The following FANCD2 variants were observed in gnomAD, a reference collection of about 807,000 sequenced individuals.
FANCD2 encodes FA complementation group D2.
FANCD2 carries 131 observed loss-of-function variants against 192.3 expected under a neutral mutation model. The observed-to-expected ratio is 0.68, with a 90% confidence interval of 0.59 to 0.79. The LOEUF is 0.79. Among genes scored for constraint, FANCD2 ranks in the 30% least tolerant of loss-of-function variants. The probability of loss-of-function intolerance (pLI) is 0.00; values close to 1 mark genes in which losing one functional copy is unlikely to be tolerated. For synonymous variants in FANCD2, 524 were observed against 612.5 expected (o/e 0.86, Z 2.13); for missense variants, 1,508 against 1,701.6 (o/e 0.89, Z 2.00).
intron 17 of FANCD2, among the ~76,000 whole-genome samples, chr3:10,051,212 C>T (rs13070248): frequency 6.7e-6 from 1 of 150,026 alleles, no homozygotes; most frequent in South Asian, 2.1e-4. Context: ...AACCCCGTCT[C>T]TACTAAAAAT....
intron 9 of FANCD2, chr3:10,040,812 C>T (rs2124987493): frequency 3.1e-6 from 1 of 319,640 alleles, no homozygotes; most frequent in East Asian, 9.2e-5. Context: ...GGGCAGGATG[C>T]TCCTTCTGGG....
intron 10 of FANCD2, among the ~76,000 whole-genome samples, chr3:10,042,144 C>A (rs893682650): frequency 2.0e-5 from 3 of 152,130 alleles, no homozygotes; most frequent in African/African-American, 7.2e-5. Flanking sequence ...TTTCCACCCC[C>A]CTCGGCCTCC....
At chr3:10,095,125 T>C in intron 40 of FANCD2, 75 bp from the exon 41 acceptor site, 1 of 1,273,370 alleles carries the variant, frequency 7.9e-7, no homozygotes, top group Non-Finnish European at 1.1e-6. Context: ...TTGGAGCTTT[T>C]GATTGCAAGG....
chr3:10,057,306 A>T (rs538156195), intron 18 of FANCD2, among the ~76,000 whole-genome samples: 1 of 151,946 alleles, frequency 6.6e-6, no homozygotes, highest in South Asian at 2.1e-4. Context: ...CCTTTGATGC[A>T]CTAAAGTATT....
At chr3:10,027,122 A>G (rs1462786888) in intron 1 of FANCD2, among the ~76,000 whole-genome samples, 2 of 152,214 alleles carry the variant, frequency 1.3e-5, no homozygotes, top group East Asian at 3.8e-4. Flanking sequence ...CTGCACTGCG[A>G]GCTTTTTTCA....
At chr3:10,084,702 C>A (rs1169118736) in intron 32 of FANCD2, among the ~76,000 whole-genome samples, 2 of 152,156 alleles carry the variant, frequency 1.3e-5, no homozygotes, top group Admixed American at 6.5e-5. Flanking sequence ...CCTCAGAATA[C>A]ATTTGTTGAA....
chr3:10,061,134 C>G (rs547919930), intron 19 of FANCD2, among the ~76,000 whole-genome samples: 1 of 152,346 alleles, frequency 6.6e-6, no homozygotes, highest in South Asian at 2.1e-4. Context: ...TTGGCATTAT[C>G]AGTACTGCAC....
intron 36 of FANCD2, among the ~76,000 whole-genome samples, chr3:10,089,435 C>T (rs1245143125): frequency 6.6e-6 from 1 of 152,088 alleles, no homozygotes; most frequent in African/African-American, 2.4e-5. Context: ...CAAGGGCTCT[C>T]AGCTAATATA....
In FANCD2 at chr3:10,072,847, G is replaced by A. The variant is rs185898677; in HGVS notation, c.2495-24G>A. ...GTGGTGTGTAATTGGTACACATTGA[G>A]CTTCAGCCTGCTGTTTGTTTCAGTC... On this transcript the variant is annotated intron_variant, in intron 26 of 43. Transcript: ENST00000675286. 1.8e-3 allele frequency: 2,275 copies of A among 1,258,644 alleles called. 23 individuals carry two copies. Among genetic ancestry groups the A allele is most frequent in the Admixed American group, 0.017 (1,028 of 59,596 alleles). The allele number at this position is 1,258,644 out of a possible 1,614,324, so 78.0% of individuals were successfully genotyped here. A position where few individuals can be genotyped will look rare whatever the true frequency, so the allele number is the denominator to read the frequency against.
chr3:10,100,292 T>C (rs1695224520), intron 43 of FANCD2, among the ~76,000 whole-genome samples: 1 of 152,270 alleles, frequency 6.6e-6, no homozygotes, highest in Non-Finnish European at 1.5e-5. Flanking sequence ...TTTGGTACTT[T>C]CCCCTAAGCA....
At chr3:10,069,586 C>G (rs1306278924) in intron 26 of FANCD2, among the ~76,000 whole-genome samples, 2 of 151,418 alleles carry the variant, frequency 1.3e-5, no homozygotes, top group African/African-American at 4.9e-5. Flanking sequence ...CTCAGCCTGC[C>G]GAGTGCCTGC....
At position 10,090,314 on chromosome 3, in the gene FANCD2, C is replaced by A. The variant is rs771078251; in HGVS notation, c.3706C>A (p.Arg1236Ser). The A allele has an allele frequency of 1.2e-6, 2 of 1,613,442 alleles. No homozygotes were observed. Among genetic ancestry groups the A allele is most frequent in the Non-Finnish European group, 1.7e-6 (2 of 1,179,756 alleles). ...LTRHTFVVFF[R>S]VMMAELEKTV... The stretch of plus-strand genomic sequence containing the variant: ...TAGGCATACTTTTGTTGTTTTCTTC[C>A]GTGTGATGATGGCTGAACTAGAGAA... The change falls in exon 37 of 44, where the codon CGT becomes AGT. Residue 1236 changes from arginine (R) to serine (S), a missense_variant. Physicochemically the swap from Arg to Ser is moderately radical, Grantham distance 110. Coordinates refer to ENST00000675286, the MANE Select transcript of FANCD2 (RefSeq NM_001018115.3).
At chr3:10,028,477 A>G (rs1245472178) in intron 1 of FANCD2, 148 bp from the exon 2 acceptor site, 1 of 636,882 alleles carries the variant, frequency 1.6e-6, no homozygotes, top group Non-Finnish European at 2.8e-6. Context: ...AAGAGTTGAA[A>G]TTTGCTTAGC....
intron 18 of FANCD2, among the ~76,000 whole-genome samples, chr3:10,055,268 C>T (rs1322453981): frequency 6.6e-6 from 1 of 152,114 alleles, no homozygotes; most frequent in Non-Finnish European, 1.5e-5. Flanking sequence ...CTATCCATTT[C>T]TAGAACTTCC....
intron 18 of FANCD2, among the ~76,000 whole-genome samples, chr3:10,054,336 CATATATATATATATACGT>C (rs1444182363): frequency 1.3e-4 from 17 of 130,344 alleles, no homozygotes; most frequent in African/African-American, 5.2e-4. Context: ...GAACAACCAG[CATATATATATATATACGT>C]ATATATATAT....
chr3:10,040,074 G>A lies in FANCD2; in HGVS notation c.695+229G>A, dbSNP rs544533851. Reference sequence around the variant, plus strand: ...TTTTCTGAGACAGTCTTGCTCTGTCGCCCAGGCTGGAGTGCAGTGGTGCGA... The same window carrying A: ...TTTTCTGAGACAGTCTTGCTCTGTCACCCAGGCTGGAGTGCAGTGGTGCGA... On this transcript the variant is annotated intron_variant, in intron 9 of 43. Transcript: ENST00000675286. The A allele has an allele frequency of 4.5e-4, 224 of 499,326 alleles. 7 individuals carry two copies. In the South Asian group the frequency reaches 5.7e-3, roughly 13 times the overall value. The allele number at this position is 499,326 out of a possible 1,614,324, so 30.9% of individuals were successfully genotyped here.
chr3:10,043,340 C>T, intron 12 of FANCD2, 144 bp from the exon 13 acceptor site: 1 of 816,924 alleles, frequency 1.2e-6, no homozygotes, highest in Non-Finnish European at 2.1e-6. Flanking sequence ...TCAGATCAAT[C>T]CCAGACAGAC....
chr3:10,087,850 T>G (rs1694316076), intron 34 of FANCD2, among the ~76,000 whole-genome samples: 1 of 152,082 alleles, frequency 6.6e-6, no homozygotes, highest in Non-Finnish European at 1.5e-5. Flanking sequence ...GGTTTCACCA[T>G]GTTGGTCAGG....
intron 26 of FANCD2, among the ~76,000 whole-genome samples, chr3:10,071,444 T>A (rs1319443825): frequency 1.3e-5 from 2 of 152,176 alleles, no homozygotes; most frequent in African/African-American, 4.8e-5. Context: ...GCAACCTAAG[T>A]GTCCATCAGC....
Sources: allele counts gnomAD v4.1 joint callset (sites outside exome capture counted in the v4.1 genomes callset), GRCh38; gene constraint gnomAD v4.1.1; transcripts MANE v1.5; gene names NCBI Gene and HGNC (gene_info 2026-07-23, HGNC 2026-07-21).